SDK1: variants seen among roughly 807,000 people sequenced by gnomAD.
The protein encoded by SDK1 is sidekick cell adhesion molecule 1, also known as protein sidekick-1.
In SDK1, 157 loss-of-function variants were observed where a neutral mutation model predicts 245.5. The observed-to-expected ratio is 0.64, with a 90% confidence interval of 0.56 to 0.73. SDK1 has a LOEUF of 0.73. Among genes scored for constraint, SDK1 ranks in the 30% least tolerant of loss-of-function variants. The pLI is 0.00. For missense variants in SDK1, 3,583 were observed against 3,002.3 expected, an observed-to-expected ratio of 1.19 and a Z score of -4.52; for synonymous variants, 1,647 against 1,278.5, an observed-to-expected ratio of 1.29 and a Z score of -6.15.
intron 1 of SDK1, among the ~76,000 whole-genome samples, chr7:3,510,284 G>A (rs1385441642): frequency 2.0e-5 from 3 of 152,196 alleles, no homozygotes; most frequent in African/African-American, 7.2e-5. Context: ...TCCTAGGAAA[G>A]CAGTGTCTGA....
chr7:3,980,320 G>C (rs536548934), intron 13 of SDK1, among the ~76,000 whole-genome samples: 6 of 152,102 alleles, frequency 3.9e-5, no homozygotes, highest in Non-Finnish European at 7.3e-5. Flanking sequence ...GTTAATTTCT[G>C]ATATTCCTGA....
intron 33 of SDK1, 37 bp from the exon 34 acceptor site, chr7:4,175,738 C>T (rs200031178): frequency 2.5e-5 from 39 of 1,577,182 alleles, no homozygotes; most frequent in Admixed American, 3.3e-5. Flanking sequence ...CGTGTCCCTG[C>T]GTGCTAACCA....
intron 1 of SDK1, among the ~76,000 whole-genome samples, chr7:3,435,640 C>T (rs1284285621): frequency 6.6e-6 from 1 of 152,086 alleles, no homozygotes; most frequent in Non-Finnish European, 1.5e-5. Flanking sequence ...GCTGGGATTA[C>T]AGGAGTGAGC....
chr7:4,077,442 C>T (rs913197986), intron 21 of SDK1, among the ~76,000 whole-genome samples: 5 of 152,178 alleles, frequency 3.3e-5, no homozygotes, highest in African/African-American at 7.2e-5. Context: ...CCAGAACATG[C>T]GTTGAAAGTG....
chr7:3,903,550 GAA>G (rs551185760), intron 5 of SDK1, among the ~76,000 whole-genome samples: 4 of 152,262 alleles, frequency 2.6e-5, no homozygotes, highest in Admixed American at 2.6e-4. Context: ...AGCTGCTGTG[GAA>G]AAGAGTTTGG....
At chr7:4,251,609 T>G (rs527351050) in intron 44 of SDK1, among the ~76,000 whole-genome samples, 25 of 152,326 alleles carry the variant, frequency 1.6e-4, no homozygotes, top group African/African-American at 5.5e-4. Context: ...GTACCAAAAC[T>G]CCAGACTCCA....
At chr7:3,983,937 C>T (rs1415774634) in intron 13 of SDK1, among the ~76,000 whole-genome samples, 1 of 152,196 alleles carries the variant, frequency 6.6e-6, no homozygotes, top group African/African-American at 2.4e-5. Context: ...CACTCAGGTC[C>T]TCGGGCACTG....
intron 4 of SDK1, among the ~76,000 whole-genome samples, chr7:3,721,100 C>A (rs1785352751): frequency 1.3e-5 from 2 of 152,134 alleles, no homozygotes; most frequent in African/African-American, 4.8e-5. Context: ...AGGAGTTAGG[C>A]TTTGGGATGG....
At chr7:3,683,874 C>T (rs1392153983) in intron 4 of SDK1, among the ~76,000 whole-genome samples, 3 of 152,212 alleles carry the variant, frequency 2.0e-5, no homozygotes, top group South Asian at 4.1e-4. Context: ...TTCCTCCAGG[C>T]ATAGGGCTGG....
In SDK1 at chr7:3,779,934, G is replaced by A. The variant is rs567609794; in HGVS notation, c.714-41516G>A. On this transcript the variant is annotated intron_variant, in intron 4 of 44. Coordinates refer to ENST00000404826, the MANE Select transcript of SDK1 (RefSeq NM_152744.4). ...GGCCTGGGCGACAGAGGGAGACTCCGTCTCAAAAAAAAAAAAAAAAAAAAA... is the reference window on the plus strand; with the variant it reads ...GGCCTGGGCGACAGAGGGAGACTCCATCTCAAAAAAAAAAAAAAAAAAAAA... 1.1e-3 allele frequency among the ~76,000 whole-genome samples: 130 copies of A among 118,348 alleles called. 2 individuals carry two copies. The East Asian group carries it at 0.017, about 15-fold the overall frequency. The allele number at this position is 118,348 out of a possible 152,430, so 77.6% of individuals were successfully genotyped here.
chr7:4,140,656 G>C (rs1316758406), intron 28 of SDK1, among the ~76,000 whole-genome samples: 2 of 152,198 alleles, frequency 1.3e-5, no homozygotes, highest in African/African-American at 4.8e-5. Flanking sequence ...CCTGTTTACT[G>C]TGTGCTCGTG....
At chr7:3,323,333 A>T (rs904983258) in intron 1 of SDK1, among the ~76,000 whole-genome samples, 22 of 152,330 alleles carry the variant, frequency 1.4e-4, no homozygotes, top group African/African-American at 5.3e-4. Flanking sequence ...TATGTTGTAT[A>T]ATTCTTTTTT....
intron 41 of SDK1, 76 bp downstream of exon 41, chr7:4,233,495 G>T (rs1193881571): frequency 1.7e-5 from 24 of 1,439,002 alleles, no homozygotes; most frequent in Non-Finnish European, 2.3e-5. Context: ...ACCCAGGGAG[G>T]TCTGTCTTCT....
At chr7:4,250,964 C>A (rs1787255276) in intron 44 of SDK1, among the ~76,000 whole-genome samples, 1 of 152,158 alleles carries the variant, frequency 6.6e-6, no homozygotes, top group African/African-American at 2.4e-5. Context: ...CCTCCAAACC[C>A]TGGCAGCCAC....
chr7:3,325,578 AAT>A (rs1209156215), intron 1 of SDK1, among the ~76,000 whole-genome samples: 1 of 152,150 alleles, frequency 6.6e-6, no homozygotes, highest in Non-Finnish European at 1.5e-5. Flanking sequence ...AATTACAGAC[AAT>A]AGGTTTATAA....
chr7:3,520,727 A>T (rs1419838957), intron 1 of SDK1, among the ~76,000 whole-genome samples: 1 of 152,116 alleles, frequency 6.6e-6, no homozygotes, highest in African/African-American at 2.4e-5. Context: ...GGGTATGTCG[A>T]TACTTGAACC....
At chr7:3,366,537 C>T (rs57314821) in intron 1 of SDK1, among the ~76,000 whole-genome samples, 17,959 of 151,998 alleles carry the variant, frequency 0.12, 1,266 homozygotes, top group African/African-American at 0.19. Flanking sequence ...GTGTTTGTGA[C>T]GTTCAGTTTC....
intron 4 of SDK1, among the ~76,000 whole-genome samples, chr7:3,793,925 C>T (rs185578538): frequency 6.6e-5 from 10 of 152,228 alleles, no homozygotes; most frequent in African/African-American, 1.4e-4. Context: ...GCTCCCTGCC[C>T]TGTTCTGGGG....
chr7:3,818,202 C>A (rs914316950), intron 4 of SDK1, among the ~76,000 whole-genome samples: 1 of 152,198 alleles, frequency 6.6e-6, no homozygotes, highest in African/African-American at 2.4e-5. Context: ...GCCACACATA[C>A]ATTTGTTTCA....
Sources: allele counts gnomAD v4.1 joint callset (sites outside exome capture counted in the v4.1 genomes callset), GRCh38; gene constraint gnomAD v4.1.1; transcripts MANE v1.5; gene names NCBI Gene and HGNC (gene_info 2026-07-23, HGNC 2026-07-21).